EIF2S2: variants seen among roughly 807,000 people sequenced by gnomAD.
EIF2S2 encodes the protein eukaryotic translation initiation factor 2 subunit 2.
EIF2S2 carries 4 observed loss-of-function variants against 44.0 expected under a neutral mutation model. The observed-to-expected ratio is 0.09, with a 90% CI of 0.04 to 0.21. The LOEUF is 0.21. Among genes scored for constraint, EIF2S2 ranks in the 10% least tolerant of loss-of-function variants. EIF2S2 has a pLI of 1.00. For missense variants in EIF2S2, 154 were observed against 392.0 expected (o/e 0.39, Z 5.13); for synonymous variants, 108 against 128.3 (o/e 0.84, Z 1.07).
intron 1 of EIF2S2, among the ~76,000 whole-genome samples, chr20:34,109,461 A>C (rs2034386296): frequency 6.6e-6 from 1 of 152,126 alleles, no homozygotes; most frequent in South Asian, 2.1e-4. Context: ...CAGGAGTTCA[A>C]GACAAGCTTG....
At chr20:34,110,721 A>G (rs550966959) in intron 1 of EIF2S2, among the ~76,000 whole-genome samples, 1 of 152,338 alleles carries the variant, frequency 6.6e-6, no homozygotes, top group African/African-American at 2.4e-5. Context: ...CATACACAGA[A>G]TAACACCCCA....
At chr20:34,094,642 A>T (rs1486539810) in intron 6 of EIF2S2, among the ~76,000 whole-genome samples, 6 of 152,156 alleles carry the variant, frequency 3.9e-5, no homozygotes, top group Admixed American at 3.9e-4. Flanking sequence ...ATATTCACCA[A>T]CTAGAGGAGT....
chr20:34,112,035 C>T (rs1350856576), intron 1 of EIF2S2, 61 bp downstream of exon 1: 9 of 1,363,966 alleles, frequency 6.6e-6, no homozygotes, highest in East Asian at 3.0e-5. Flanking sequence ...TTCTCCCACA[C>T]TGGAGTGGGT....
chr20:34,091,923 GA>G (rs1308695332), intron 7 of EIF2S2, among the ~76,000 whole-genome samples: 2 of 148,640 alleles, frequency 1.3e-5, no homozygotes, highest in South Asian at 2.1e-4. Context: ...GCTGTTTGAA[GA>G]AAAAAAAAGG....
intron 4 of EIF2S2, 133 bp from the exon 5 acceptor site, chr20:34,097,649 G>A: frequency 1.5e-6 from 1 of 664,994 alleles, no homozygotes; most frequent in Non-Finnish European, 2.5e-6. Flanking sequence ...ACAGCCTTAA[G>A]CATAAAGAAA....
intron 1 of EIF2S2, among the ~76,000 whole-genome samples, chr20:34,111,096 C>G (rs1015734264): frequency 6.6e-6 from 1 of 152,188 alleles, no homozygotes; most frequent in African/African-American, 2.4e-5. Context: ...TTCCAAATTC[C>G]TTAACTTCGT....
At chr20:34,105,694 T>TAA (rs1208120925) in intron 1 of EIF2S2, 149 bp from the exon 2 acceptor site, 2 of 716,456 alleles carry the variant, frequency 2.8e-6, no homozygotes, top group Admixed American at 7.1e-5. Context: ...AAAAATAAAA[T>TAA]AAATTGTCCA....
chr20:34,107,934 A>T (rs915969027), intron 1 of EIF2S2, among the ~76,000 whole-genome samples: 1 of 152,242 alleles, frequency 6.6e-6, no homozygotes, highest in Non-Finnish European at 1.5e-5. Flanking sequence ...CCCTACCAAG[A>T]TAGAAGAGCA....
intron 8 of EIF2S2, among the ~76,000 whole-genome samples, chr20:34,090,184 A>G (rs112837894): frequency 6.6e-6 from 1 of 152,252 alleles, no homozygotes; most frequent in Non-Finnish European, 1.5e-5. Flanking sequence ...GAGCCACTCA[A>G]ACATGTTGAC....
At chr20:34,102,722 ACTGCTATTAT>A (rs2034308274) in intron 3 of EIF2S2, among the ~76,000 whole-genome samples, 1 of 152,136 alleles carries the variant, frequency 6.6e-6, no homozygotes. Flanking sequence ...GAGTGTGTGT[ACTGCTATTAT>A]CTTGGGTTTT....
chr20:34,110,021 A>C (rs569316975), intron 1 of EIF2S2, among the ~76,000 whole-genome samples: 19 of 150,336 alleles, frequency 1.3e-4, no homozygotes, highest in Non-Finnish European at 8.9e-5. Context: ...GAATTGCTTG[A>C]ACCCAGGAGG....
intron 4 of EIF2S2, among the ~76,000 whole-genome samples, 199 bp from the exon 5 acceptor site, chr20:34,097,715 G>A (rs2034246836): frequency 6.6e-6 from 1 of 152,090 alleles, no homozygotes; most frequent in Non-Finnish European, 1.5e-5. Flanking sequence ...TTCAAAAAAG[G>A]CCCTTAATAG....
rs1225294605 is a variant in EIF2S2, at chr20:34,096,876, T to A, written c.535-71A>T. The A allele has an allele frequency of 2.0e-6, 3 of 1,481,684 alleles. No individual in the cohort carries two copies. The African/African-American group carries it at 4.2e-5, about 21-fold the overall frequency. The allele number at this position is 1,481,684 out of a possible 1,614,324, so 91.8% of individuals were successfully genotyped here. On this transcript the variant is annotated intron_variant, in intron 5 of 8. Coordinates refer to ENST00000374980, the MANE Select transcript of EIF2S2 (RefSeq NM_003908.5). ...GGGTATAAAGTTCCCCTTTGAGTCATGTTGCTTAACAGCAAATACTTCACT... is the reference window on the plus strand; with the variant it reads ...GGGTATAAAGTTCCCCTTTGAGTCAAGTTGCTTAACAGCAAATACTTCACT...
Position 34,089,875 on chromosome 20 carries a change from G to A in EIF2S2, c.857C>T (p.Ser286Leu), listed in dbSNP as rs767028331. The A allele has an allele frequency of 1.2e-6, 2 of 1,613,904 alleles. No individual in the cohort carries two copies. The highest frequency in any genetic ancestry group is 3.3e-5 in the Admixed American group (2 of 59,990). Residue 286 changes from serine (S) to leucine (L), a missense_variant, in exon 9 of 9, where the codon TCA becomes TTA. Physicochemically the swap from Ser to Leu is moderately radical, Grantham distance 145. Around this residue, in one of 2 missense-constraint regions of EIF2S2, gnomAD observed 20 missense variants for 167.0 expected, o/e 0.12. Coordinates refer to ENST00000374980, the MANE Select transcript of EIF2S2 (RefSeq NM_003908.5). ...KEYVTCHTCR[S>L]PDTILQKDTR... ...GTCCTTCTGCAGGATTGTGTCCGGTGATCGGCATGTGTGACAAGTGACATA... is the reference window on the plus strand; with the variant it reads ...GTCCTTCTGCAGGATTGTGTCCGGTAATCGGCATGTGTGACAAGTGACATA...
chr20:34,102,325 G>C (rs188908163), intron 3 of EIF2S2, among the ~76,000 whole-genome samples: 1 of 152,256 alleles, frequency 6.6e-6, no homozygotes, highest in East Asian at 1.9e-4. Context: ...AGAAGGAAAA[G>C]AGAATCCCCA....
At chr20:34,103,704 A>C in intron 2 of EIF2S2, 139 bp from the exon 3 acceptor site, 1 of 1,236,836 alleles carries the variant, frequency 8.1e-7, no homozygotes, top group Non-Finnish European at 1.0e-6. Context: ...CACAAAACTT[A>C]TGGTTCTTTT....
intron 3 of EIF2S2, among the ~76,000 whole-genome samples, chr20:34,100,789 CAAAGT>C (rs1432948600): frequency 2.6e-5 from 4 of 152,080 alleles, no homozygotes; most frequent in African/African-American, 9.7e-5. Flanking sequence ...GGAATGGAAA[CAAAGT>C]AAAGCTTGAC....
intron 5 of EIF2S2, 100 bp from the exon 6 acceptor site, chr20:34,096,905 G>C (rs952560728): frequency 7.9e-7 from 1 of 1,264,182 alleles, no homozygotes; most frequent in Non-Finnish European, 1.1e-6. Context: ...CTTCACTTCT[G>C]ATTAAATATA....
chr20:34,104,311 C>G (rs2034325281), intron 2 of EIF2S2, among the ~76,000 whole-genome samples: 1 of 152,186 alleles, frequency 6.6e-6, no homozygotes, highest in African/African-American at 2.4e-5. Flanking sequence ...GCCCTCTTAC[C>G]TCCATCTCAC....
Sources: gnomAD v4.1 joint callset for allele counts (sites outside exome capture counted in the v4.1 genomes callset) on GRCh38, gnomAD v4.1.1 for gene constraint, gnomAD v4.1.1 regional missense constraint, MANE v1.5 for transcripts, NCBI Gene and HGNC (gene_info 2026-07-23, HGNC 2026-07-21) for gene names.